Variants in ADCYAP1R1 observed in about 807,000 individuals in gnomAD.
ADCYAP1R1 encodes ADCYAP receptor type I.
Under a neutral mutation model 67.6 loss-of-function variants are expected in ADCYAP1R1, and 44 were observed. That is an observed-to-expected ratio of 0.65 (90% CI 0.51 to 0.84). The LOEUF is 0.84. Among genes scored for constraint, ADCYAP1R1 ranks in the 40% least tolerant of loss-of-function variants. The probability of loss-of-function intolerance (pLI) is 0.00; values close to 1 mark genes in which losing one functional copy is unlikely to be tolerated. For synonymous variants in ADCYAP1R1, 222 were observed against 219.6 expected (o/e 1.01, Z -0.10); for missense variants, 477 against 587.9 (o/e 0.81, Z 1.95).
intron 13 of ADCYAP1R1, among the ~76,000 whole-genome samples, chr7:31,099,810 C>T (rs929885699): frequency 1.3e-5 from 2 of 152,236 alleles, no homozygotes; most frequent in African/African-American, 4.8e-5. Flanking sequence ...CAGCCTCTGG[C>T]TCCCTGTGTG....
At chr7:31,099,985 C>A in intron 13 of ADCYAP1R1, 1 of 762,206 alleles carries the variant, frequency 1.3e-6, no homozygotes, top group Non-Finnish European at 2.2e-6. Flanking sequence ...CATGTCTTGG[C>A]CCTTGGCTCC....
Position 31,095,687 on chromosome 7 carries a change from T to TC in ADCYAP1R1, c.1046+2956dup, listed in dbSNP as rs1235007123. ...TCCAGAACAAATTTAAGCCCGCGAG[T>TC]CCCCAAGAAAGCCCGAGAGGACCCC... On this transcript the variant is annotated intron_variant, in intron 13 of 15. Coordinates refer to ENST00000304166, the MANE Select transcript of ADCYAP1R1 (RefSeq NM_001118.5). 5 of 717,708 alleles carry TC rather than the reference T, an allele frequency of 7.0e-6. No individual in the cohort carries two copies. The African/African-American group carries it at 7.0e-5, about 10-fold the overall frequency. 44.5% of individuals were successfully genotyped at this position (717,708 alleles called of 1,614,324 possible).
At chr7:31,092,573 T>G in intron 12 of ADCYAP1R1, 71 bp from the exon 13 acceptor site, 1 of 1,205,662 alleles carries the variant, frequency 8.3e-7, no homozygotes, top group Non-Finnish European at 1.2e-6. Context: ...TGGGGGAGGG[T>G]CCTGCTGGGG....
intron 1 of ADCYAP1R1, among the ~76,000 whole-genome samples, chr7:31,058,183 T>G (rs746233604): frequency 3.9e-5 from 6 of 152,234 alleles, no homozygotes; most frequent in Non-Finnish European, 8.8e-5. Context: ...AGAGTTGCCT[T>G]CAGCCAGGGG....
intron 3 of ADCYAP1R1, among the ~76,000 whole-genome samples, chr7:31,067,431 G>T (rs1213121930): frequency 1.3e-5 from 2 of 151,792 alleles, no homozygotes; most frequent in East Asian, 3.9e-4. Context: ...GTGGAGTGGG[G>T]TGGATCATGT....
At chr7:31,056,746 CT>C (rs1245131324) in intron 1 of ADCYAP1R1, among the ~76,000 whole-genome samples, 1 of 152,214 alleles carries the variant, frequency 6.6e-6, no homozygotes, top group Non-Finnish European at 1.5e-5. Context: ...AAATGAGAAG[CT>C]GATCACTCCA....
At chr7:31,104,255 C>T (rs1203969634) in intron 14 of ADCYAP1R1, among the ~76,000 whole-genome samples, 1 of 152,064 alleles carries the variant, frequency 6.6e-6, no homozygotes, top group East Asian at 1.9e-4. Flanking sequence ...CTTCCAACAC[C>T]TTCAAACGAC....
chr7:31,080,548 CCTGACTTTTCTCACCCCGCTGCTCACCT>C, intron 4 of ADCYAP1R1, 37 bp from the exon 5 acceptor site: 1 of 1,550,994 alleles, frequency 6.4e-7, no homozygotes, highest in Non-Finnish European at 8.8e-7. Context: ...GAGAGCAGCC[CCTGACTTTTCTCACCCCGCTGCTCACCT>C]CTGACTTTTC....
At position 31,106,671 on chromosome 7, in the gene ADCYAP1R1, A is replaced by C; in HGVS notation, c.1394A>C (p.Asn465Thr). 4 of 1,608,842 alleles carry C rather than the reference A, an allele frequency of 2.5e-6. No individual in the cohort carries two copies. Among genetic ancestry groups the C allele is most frequent in the Non-Finnish European group, 2.5e-6 (3 of 1,177,460 alleles). ...CGCATGTCTGGCCTCCCTGCTGACA[A>C]TCTGGCCACCTGAGCCATGCTCCCC... ...QIRMSGLPADNLAT is the reference protein window; with the variant it reads ...QIRMSGLPADTLAT The change falls in exon 16 of 16, where the codon AAT becomes ACT. Residue 465 changes from asparagine (N) to threonine (T), a missense_variant. Transcript: ENST00000304166.
In ADCYAP1R1 at chr7:31,102,362, C is replaced by A. The variant is rs1796474583; in HGVS notation, c.1047-875C>A. The stretch of plus-strand genomic sequence containing the variant: ...GAGACCCACAGGGAGCCAGTGTGCC[C>A]ACTCTGGGTGAATGCTTGTGAGTGT... On this transcript the variant is annotated intron_variant, in intron 13 of 15. Coordinates refer to ENST00000304166, the MANE Select transcript of ADCYAP1R1 (RefSeq NM_001118.5). The surrounding 1 kb of genome is among the most constrained non-coding windows in gnomAD (Gnocchi z 4.3). Among the ~76,000 whole-genome samples, 2 of 152,194 alleles carry A rather than the reference C, an allele frequency of 1.3e-5. No individual in the cohort carries two copies. The highest frequency in any genetic ancestry group is 4.8e-5 in the African/African-American group (2 of 41,466).
At chr7:31,058,989 T>G (rs79456849) in intron 1 of ADCYAP1R1, among the ~76,000 whole-genome samples, 4,582 of 152,290 alleles carry the variant, frequency 0.03, 234 homozygotes, top group African/African-American at 0.1. Flanking sequence ...TTAACACATG[T>G]TTATTGCTTG....
In ADCYAP1R1 at chr7:31,102,961, C is replaced by T. The variant is rs920483366; in HGVS notation, c.1047-276C>T. 5.3e-5 allele frequency among the ~76,000 whole-genome samples: 8 copies of T among 152,334 alleles called. No individual in the cohort carries two copies. The highest frequency in any genetic ancestry group is 5.9e-5 in the Non-Finnish European group (4 of 68,036). ...CTTTGCTTTTCCAGAAGGTTTTGCA[C>T]GTCACCCAAGGGGTCCCTGTAAATC... On this transcript the variant is annotated intron_variant, in intron 13 of 15. Coordinates refer to ENST00000304166, the MANE Select transcript of ADCYAP1R1 (RefSeq NM_001118.5). The surrounding 1 kb of genome is among the most constrained non-coding windows in gnomAD (Gnocchi z 4.3).
intron 12 of ADCYAP1R1, 93 bp downstream of exon 12, chr7:31,087,789 C>T: frequency 6.3e-6 from 6 of 954,396 alleles, no homozygotes; most frequent in South Asian, 3.0e-5. Flanking sequence ...CCCACACAAC[C>T]TGACTTCCTC....
chr7:31,087,719 G>A (rs775647711), intron 12 of ADCYAP1R1, 23 bp downstream of exon 12: 6 of 1,606,464 alleles, frequency 3.7e-6, no homozygotes, highest in Middle Eastern at 3.3e-4. Context: ...GGGATGAAGA[G>A]GAAGGGAAGA....
intron 6 of ADCYAP1R1, among the ~76,000 whole-genome samples, chr7:31,082,042 T>C (rs914133523): frequency 1.3e-5 from 2 of 152,234 alleles, no homozygotes; most frequent in Non-Finnish European, 2.9e-5. Flanking sequence ...GTTTCTGAAC[T>C]CCAGCATCTA....
intron 3 of ADCYAP1R1, among the ~76,000 whole-genome samples, chr7:31,077,514 G>A (rs373809822): frequency 6.7e-6 from 1 of 148,996 alleles, no homozygotes; most frequent in Non-Finnish European, 1.5e-5. Context: ...GGTATATGTG[G>A]TGTGTGTGTG....
intron 15 of ADCYAP1R1, among the ~76,000 whole-genome samples, chr7:31,106,210 A>T (rs578217684): frequency 5.3e-5 from 8 of 152,316 alleles, no homozygotes; most frequent in Non-Finnish European, 1.0e-4. Context: ...GAAGGACCCA[A>T]TGGACTATTC....
intron 3 of ADCYAP1R1, among the ~76,000 whole-genome samples, chr7:31,077,517 T>C (rs953082058): frequency 6.7e-6 from 1 of 148,152 alleles, no homozygotes; most frequent in African/African-American, 2.5e-5. Flanking sequence ...ATATGTGGTG[T>C]GTGTGTGATC....
Position 31,063,300 on chromosome 7 carries a change from C to T in ADCYAP1R1, c.36C>T (p.Leu12=). Residue 12 remains leucine (L), a synonymous_variant, in exon 2 of 16, where the codon CTC becomes CTT. Transcript: ENST00000304166. ...AGVVHVSLAA[L]LLLPMAPAMH... ...TCGTGCACGTTTCCCTGGCTGCTCT[C>T]CTCCTGCTGCCTATGGTAAGGGCCC... 6.2e-7 allele frequency: 1 copy of T among 1,614,182 alleles called. No homozygotes were observed. Among genetic ancestry groups the T allele is most frequent in the South Asian group, 1.1e-5 (1 of 91,076 alleles).
Sources: gnomAD v4.1 joint callset for allele counts (sites outside exome capture counted in the v4.1 genomes callset) on GRCh38, gnomAD v4.1.1 for gene constraint, Gnocchi (gnomAD v3.1) non-coding constraint, MANE v1.5 for transcripts, NCBI Gene and HGNC (gene_info 2026-07-23, HGNC 2026-07-21) for gene names.